The following CFAP44 variants were observed in gnomAD, a reference collection of about 807,000 sequenced individuals.
CFAP44 encodes cilia- and flagella-associated protein 44.
Under a neutral mutation model 216.2 loss-of-function variants are expected in CFAP44, and 134 were observed. That is an observed-to-expected ratio of 0.62 (90% CI 0.54 to 0.72). The LOEUF (loss-of-function observed/expected upper bound fraction) is 0.72, where lower values mean the gene tolerates loss of function less well. Among genes scored for constraint, CFAP44 ranks in the 30% least tolerant of loss-of-function variants. The pLI is 0.00. For synonymous variants in CFAP44, 700 were observed against 727.6 expected (o/e 0.96, Z 0.61); for missense variants, 2,035 against 2,182.1 (o/e 0.93, Z 1.34).
chr3:113,411,533 GT>G (rs1197097560), intron 6 of CFAP44, among the ~76,000 whole-genome samples: 3 of 152,178 alleles, frequency 2.0e-5, no homozygotes, highest in Non-Finnish European at 2.9e-5. Context: ...GTACCATGCT[GT>G]TTTGGTTACT....
At chr3:113,378,442 A>G (rs987061513) in intron 17 of CFAP44, among the ~76,000 whole-genome samples, 8 of 152,136 alleles carry the variant, frequency 5.3e-5, no homozygotes, top group Admixed American at 3.9e-4. Context: ...TACAAAAGTT[A>G]CATTTCTAGG....
intron 13 of CFAP44, among the ~76,000 whole-genome samples, chr3:113,399,215 C>A (rs141226712): frequency 6.6e-5 from 10 of 152,272 alleles, no homozygotes; most frequent in African/African-American, 1.9e-4. Context: ...CCAGGCCCAG[C>A]CATTCATGTC....
intron 2 of CFAP44, among the ~76,000 whole-genome samples, chr3:113,429,918 A>G (rs1277339713): frequency 6.6e-6 from 1 of 152,158 alleles, no homozygotes; most frequent in Non-Finnish European, 1.5e-5. Flanking sequence ...AATTGATAGA[A>G]CAACTAGTCA....
In CFAP44 at chr3:113,339,897, T is replaced by C. The variant is rs373838778; in HGVS notation, c.3437+1847A>G. On this transcript the variant is annotated intron_variant, in intron 24 of 34. Coordinates refer to ENST00000393845, the MANE Select transcript of CFAP44 (RefSeq NM_001164496.2). The stretch of plus-strand genomic sequence containing the variant: ...TTTAGGGGGCAAAAAGAGGAGAGAG[T>C]CTGGGGGAAGAACCCCTTGCTTAGT... 2.2e-3 allele frequency among the ~76,000 whole-genome samples: 339 copies of C among 151,558 alleles called. 2 individuals are homozygous for C. The highest frequency in any genetic ancestry group is 7.8e-3 in the African/African-American group (323 of 41,246).
intron 24 of CFAP44, among the ~76,000 whole-genome samples, chr3:113,337,162 T>C (rs555424803): frequency 2.7e-4 from 41 of 149,984 alleles, no homozygotes; most frequent in South Asian, 1.1e-3. Context: ...ATGCTAGCAG[T>C]GAATGTGAAC....
chr3:113,349,058 G>A (rs1222684118), intron 22 of CFAP44, among the ~76,000 whole-genome samples: 1 of 152,138 alleles, frequency 6.6e-6, no homozygotes, highest in Admixed American at 6.5e-5. Context: ...CTGGGACCTC[G>A]ACTCAGATCA....
At chr3:113,336,137 A>G (rs188755326) in intron 24 of CFAP44, among the ~76,000 whole-genome samples, 115 of 152,292 alleles carry the variant, frequency 7.6e-4, no homozygotes, top group Non-Finnish European at 8.7e-4. Flanking sequence ...CAAAGCTTAT[A>G]CACAAGTTTA....
At chr3:113,294,928 C>T in intron 33 of CFAP44, 107 bp from the exon 34 acceptor site, 3 of 1,277,834 alleles carry the variant, frequency 2.3e-6, no homozygotes, top group Non-Finnish European at 3.1e-6. Context: ...GAGCAATGTG[C>T]CCATATGAAA....
chr3:113,305,729 A>G (rs1211967429), intron 30 of CFAP44, among the ~76,000 whole-genome samples: 1 of 152,202 alleles, frequency 6.6e-6, no homozygotes, highest in African/African-American at 2.4e-5. Flanking sequence ...AGATTAAGGC[A>G]GAAATTGGTG....
At chr3:113,312,238 ATTT>A (rs769734983) in intron 28 of CFAP44, among the ~76,000 whole-genome samples, 3 of 130,704 alleles carry the variant, frequency 2.3e-5, no homozygotes, top group Non-Finnish European at 1.6e-5. Context: ...TGCCTGGCTA[ATTT>A]TTTTTTTTTT....
intron 1 of CFAP44, among the ~76,000 whole-genome samples, chr3:113,437,759 A>G (rs931467189): frequency 4.6e-5 from 7 of 152,142 alleles, no homozygotes; most frequent in African/African-American, 1.7e-4. Flanking sequence ...TATAACTGGT[A>G]AGGTAGAATA....
At chr3:113,316,972 C>T (rs1162583327) in intron 28 of CFAP44, among the ~76,000 whole-genome samples, 1 of 151,818 alleles carries the variant, frequency 6.6e-6, no homozygotes, top group Non-Finnish European at 1.5e-5. Context: ...GAGTAAACCA[C>T]CATAATTTAA....
intron 2 of CFAP44, 90 bp downstream of exon 2, chr3:113,433,475 C>T (rs1325919570): frequency 1.4e-5 from 5 of 369,594 alleles, no homozygotes; most frequent in East Asian, 8.2e-5. Flanking sequence ...TTATAACATC[C>T]TGCTCTTTCC....
chr3:113,350,080 G>T (rs952734919), intron 22 of CFAP44, among the ~76,000 whole-genome samples: 5 of 152,166 alleles, frequency 3.3e-5, no homozygotes, highest in African/African-American at 1.2e-4. Context: ...CAACGAGGTG[G>T]CAGTCTTACA....
intron 17 of CFAP44, 89 bp downstream of exon 17, chr3:113,379,215 CTT>C (rs1350492202): frequency 1.0e-6 from 1 of 972,402 alleles, no homozygotes; most frequent in Non-Finnish European, 1.4e-6. Flanking sequence ...TAAATGAAAT[CTT>C]AACATAAGAG....
At chr3:113,409,080 G>A (rs1454840689) in intron 7 of CFAP44, 26 bp downstream of exon 7, 7 of 1,559,502 alleles carry the variant, frequency 4.5e-6, no homozygotes, top group Non-Finnish European at 6.2e-6. Flanking sequence ...ATATCTACTG[G>A]CACCTCTATT....
chr3:113,338,996 G>A (rs1028818246), intron 24 of CFAP44, among the ~76,000 whole-genome samples: 1 of 152,112 alleles, frequency 6.6e-6, no homozygotes, highest in Non-Finnish European at 1.5e-5. Context: ...TGGCCAACAG[G>A]AGGGCTGAAT....
At chr3:113,396,047 T>A (rs914223798) in intron 14 of CFAP44, among the ~76,000 whole-genome samples, 187 bp from the exon 15 acceptor site, 2 of 152,222 alleles carry the variant, frequency 1.3e-5, no homozygotes, top group Non-Finnish European at 2.9e-5. Context: ...TGGAAAACCA[T>A]GTGTTTCAGT....
intron 8 of CFAP44, 122 bp from the exon 9 acceptor site, chr3:113,404,138 T>C: frequency 8.3e-7 from 1 of 1,200,708 alleles, no homozygotes; most frequent in Non-Finnish European, 1.1e-6. Context: ...AATTTTTAAA[T>C]GGAAAAATAA....
Sources: gnomAD v4.1 joint callset for allele counts (sites outside exome capture counted in the v4.1 genomes callset) on GRCh38, gnomAD v4.1.1 for gene constraint, MANE v1.5 for transcripts, NCBI Gene and HGNC (gene_info 2026-07-23, HGNC 2026-07-21) for gene names.